KCNIP1: variants seen among roughly 807,000 people sequenced by gnomAD.
The protein encoded by KCNIP1 is A-type potassium channel modulatory protein KCNIP1.
KCNIP1 carries 18 observed loss-of-function variants against 33.0 expected under a neutral mutation model. That is an observed-to-expected ratio of 0.55 (90% CI 0.38 to 0.81). The LOEUF (loss-of-function observed/expected upper bound fraction) is 0.81. Ranked by LOEUF, KCNIP1 falls within the 30% of genes least tolerant of loss-of-function variation. KCNIP1 has a pLI of 0.00. For synonymous variants in KCNIP1, 93 were observed against 98.3 expected (o/e 0.95, Z 0.32); for missense variants, 238 against 271.6 (o/e 0.88, Z 0.87).
At chr5:170,497,289 C>T (rs1757328058) in intron 1 of KCNIP1, among the ~76,000 whole-genome samples, 1 of 152,196 alleles carries the variant, frequency 6.6e-6, no homozygotes, top group Admixed American at 6.5e-5. Context: ...TTAAATGCTT[C>T]CACTCATTTA....
intron 1 of KCNIP1, among the ~76,000 whole-genome samples, chr5:170,631,977 G>A (rs959426396): frequency 2.0e-5 from 3 of 152,316 alleles, no homozygotes; most frequent in East Asian, 1.9e-4. Flanking sequence ...TCCCCTTCCC[G>A]GCTGTCTTTG....
upstream of KCNIP1, among the ~76,000 whole-genome samples, chr5:170,500,813 G>A (rs929777499): frequency 1.4e-4 from 22 of 152,206 alleles, no homozygotes; most frequent in African/African-American, 5.3e-4. Context: ...TATTGTGCAT[G>A]TAAATATCTG....
chr5:170,356,724 G>A (rs1763358334), intron 1 of KCNIP1, among the ~76,000 whole-genome samples: 1 of 152,202 alleles, frequency 6.6e-6, no homozygotes, highest in Non-Finnish European at 1.5e-5. Context: ...CTACTAGCAT[G>A]GGGCCCAGAA....
chr5:170,580,678 T>C (rs1213489974), intron 1 of KCNIP1, among the ~76,000 whole-genome samples: 2 of 152,088 alleles, frequency 1.3e-5, no homozygotes, highest in Non-Finnish European at 2.9e-5. Flanking sequence ...GGAGGATGTA[T>C]TAACATGAAG....
intron 1 of KCNIP1, among the ~76,000 whole-genome samples, chr5:170,385,879 G>A (rs1000279566): frequency 6.6e-6 from 1 of 151,940 alleles, no homozygotes; most frequent in Admixed American, 6.6e-5. Flanking sequence ...CAGCACTTTC[G>A]GAGACCGAGG....
intron 1 of KCNIP1, among the ~76,000 whole-genome samples, chr5:170,606,502 C>A (rs1415234235): frequency 6.6e-6 from 1 of 152,132 alleles, no homozygotes; most frequent in African/African-American, 2.4e-5. Flanking sequence ...GATTAAATGA[C>A]TGATAGCCTT....
chr5:170,382,391 C>T (rs928096473), intron 1 of KCNIP1, among the ~76,000 whole-genome samples: 2 of 152,160 alleles, frequency 1.3e-5, no homozygotes, highest in Non-Finnish European at 2.9e-5. Flanking sequence ...TATCTTGAGA[C>T]ATACACACTC....
intron 1 of KCNIP1, among the ~76,000 whole-genome samples, chr5:170,458,941 C>T (rs994319350): frequency 6.6e-6 from 1 of 152,148 alleles, no homozygotes; most frequent in Non-Finnish European, 1.5e-5. Context: ...ATTCACCAAC[C>T]AGCTATCTGC....
chr5:170,410,503 C>CTT (rs33956860), intron 1 of KCNIP1, among the ~76,000 whole-genome samples: 10 of 147,802 alleles, frequency 6.8e-5, no homozygotes, highest in African/African-American at 2.5e-4. Flanking sequence ...GGAAGGCTGG[C>CTT]TTTTTTTTTT....
chr5:170,357,993 G>A (rs190136997), intron 1 of KCNIP1, among the ~76,000 whole-genome samples: 64 of 152,284 alleles, frequency 4.2e-4, no homozygotes, highest in African/African-American at 1.3e-3. Flanking sequence ...CTCCTGGCTC[G>A]GATGCTTGGT....
chr5:170,588,504 C>T (rs2113541185), intron 1 of KCNIP1, among the ~76,000 whole-genome samples: 1 of 152,264 alleles, frequency 6.6e-6, no homozygotes, highest in South Asian at 2.1e-4. Flanking sequence ...TTGTGTGTGT[C>T]ACTCACTCCT....
At chr5:170,366,891 A>G (rs1392130502) in intron 1 of KCNIP1, among the ~76,000 whole-genome samples, 2 of 152,072 alleles carry the variant, frequency 1.3e-5, no homozygotes, top group Non-Finnish European at 2.9e-5. Context: ...TCTCCCCTTC[A>G]TGGCCTCACC....
chr5:170,516,195 G>A (rs1755113649), intron 1 of KCNIP1, among the ~76,000 whole-genome samples: 1 of 152,160 alleles, frequency 6.6e-6, no homozygotes, highest in African/African-American at 2.4e-5. Flanking sequence ...TCGAGACTGT[G>A]CCCTCTCAGC....
intron 1 of KCNIP1, among the ~76,000 whole-genome samples, chr5:170,363,702 A>G (rs966096774): frequency 1.3e-5 from 2 of 152,210 alleles, no homozygotes; most frequent in African/African-American, 4.8e-5. Flanking sequence ...TTTAACTGTG[A>G]CAAACATATA....
intron 1 of KCNIP1, among the ~76,000 whole-genome samples, chr5:170,639,750 C>T (rs972213502): frequency 2.0e-5 from 3 of 152,226 alleles, no homozygotes; most frequent in African/African-American, 7.2e-5. Context: ...CATGATTGCT[C>T]TCCCAGGTGT....
chr5:170,647,702 A>AGTATGGCATACTCAGGAAT (rs1760841564), intron 1 of KCNIP1, among the ~76,000 whole-genome samples: 1 of 152,212 alleles, frequency 6.6e-6, no homozygotes, highest in Non-Finnish European at 1.5e-5. Context: ...TCATATCTAG[A>AGTATGGCATACTCAGGAAT]AGATCCTGAG....
chr5:170,628,708 T>C (rs1173313003), intron 1 of KCNIP1, among the ~76,000 whole-genome samples: 2 of 152,220 alleles, frequency 1.3e-5, no homozygotes, highest in South Asian at 2.1e-4. Context: ...CTGGTTGTCC[T>C]GCGAAGACAC....
At chr5:170,602,934 GCA>G (rs905220527) in intron 1 of KCNIP1, among the ~76,000 whole-genome samples, 1 of 152,214 alleles carries the variant, frequency 6.6e-6, no homozygotes, top group Non-Finnish European at 1.5e-5. Flanking sequence ...CAGTTAGTGA[GCA>G]CACTCTCCTC....
intron 1 of KCNIP1, among the ~76,000 whole-genome samples, chr5:170,595,509 T>A (rs1382661107): frequency 6.6e-6 from 1 of 152,206 alleles, no homozygotes; most frequent in African/African-American, 2.4e-5. Flanking sequence ...AAGGGCTCCC[T>A]GCAGGACCCT....
Sources: allele counts gnomAD v4.1 joint callset (sites outside exome capture counted in the v4.1 genomes callset), GRCh38; gene constraint gnomAD v4.1.1; transcripts MANE v1.5; gene names NCBI Gene and HGNC (gene_info 2026-07-23, HGNC 2026-07-21).